Variants in CLVS1 observed in about 807,000 individuals in gnomAD.
CLVS1 encodes the protein clavesin-1.
In CLVS1, 10 loss-of-function variants were observed where a neutral mutation model predicts 33.1. The ratio of observed to expected loss-of-function variants is 0.30; its 90% CI spans 0.19 to 0.51. CLVS1 has a LOEUF of 0.51. CLVS1 is among the 20% of genes least tolerant of loss of function. The pLI, the probability that CLVS1 is intolerant of heterozygous loss-of-function variation, is 0.97. For missense variants in CLVS1, 343 were observed against 433.4 expected, an observed-to-expected ratio of 0.79 and a Z score of 1.85; for synonymous variants, 163 against 166.1, an observed-to-expected ratio of 0.98 and a Z score of 0.14.
At chr8:61,398,387 G>T (rs1814619727) in intron 3 of CLVS1, among the ~76,000 whole-genome samples, 1 of 151,920 alleles carries the variant, frequency 6.6e-6, no homozygotes, top group African/African-American at 2.4e-5. Flanking sequence ...TCACCACATT[G>T]CTCAGGCTGG....
At chr8:61,066,063 A>C (rs1005103014) in intron 1 of CLVS1, among the ~76,000 whole-genome samples, 2 of 152,242 alleles carry the variant, frequency 1.3e-5, no homozygotes, top group Non-Finnish European at 2.9e-5. Flanking sequence ...CATATGTATG[A>C]AGATCAGGAG....
intron 2 of CLVS1, among the ~76,000 whole-genome samples, chr8:61,274,944 G>A (rs1032862542): frequency 3.3e-5 from 5 of 152,048 alleles, no homozygotes; most frequent in African/African-American, 1.2e-4. Context: ...AATAATTTAT[G>A]GGAAGGCTCT....
At chr8:61,340,436 G>A (rs994390295) in intron 2 of CLVS1, among the ~76,000 whole-genome samples, 7 of 152,124 alleles carry the variant, frequency 4.6e-5, no homozygotes, top group Non-Finnish European at 7.4e-5. Flanking sequence ...GAGATCATGC[G>A]GCATTTGTCT....
chr8:61,459,446 G>A (rs1225377984), intron 5 of CLVS1, among the ~76,000 whole-genome samples: 11 of 152,018 alleles, frequency 7.2e-5, no homozygotes, highest in Non-Finnish European at 1.5e-4. Flanking sequence ...TGGTGCACCC[G>A]TCATCCGAGC....
intron 1 of CLVS1, among the ~76,000 whole-genome samples, chr8:61,090,045 C>T (rs1354645356): frequency 6.6e-6 from 1 of 152,214 alleles, no homozygotes; most frequent in Non-Finnish European, 1.5e-5. Context: ...GTTATTTGAG[C>T]AGCCCCCTCC....
chr8:61,395,215 A>G (rs886468732), intron 3 of CLVS1, among the ~76,000 whole-genome samples: 1 of 152,204 alleles, frequency 6.6e-6, no homozygotes, highest in African/African-American at 2.4e-5. Context: ...CAGAAAGACA[A>G]ATATCATATG....
At chr8:60,985,112 G>A in the CLVS1 span, among the ~76,000 whole-genome samples, 28 of 152,272 alleles carry the variant, frequency 1.8e-4, no homozygotes, top group South Asian at 1.0e-3. Flanking sequence ...GAATGTTAAG[G>A]CTATTTTTTC....
At chr8:61,043,680 A>T in the CLVS1 span, among the ~76,000 whole-genome samples, 3 of 152,202 alleles carry the variant, frequency 2.0e-5, no homozygotes, top group Non-Finnish European at 4.4e-5. Flanking sequence ...GTATATGTTG[A>T]TTCTGCTCTC....
At chr8:61,090,724 A>G (rs1395708397) in intron 1 of CLVS1, among the ~76,000 whole-genome samples, 1 of 152,120 alleles carries the variant, frequency 6.6e-6, no homozygotes, top group African/African-American at 2.4e-5. Flanking sequence ...ATATCCCACT[A>G]TTGTGTTTTT....
At chr8:60,981,022 A>G in the CLVS1 span, among the ~76,000 whole-genome samples, 1 of 152,210 alleles carries the variant, frequency 6.6e-6, no homozygotes, top group Non-Finnish European at 1.5e-5. Flanking sequence ...AGCAGCTGGA[A>G]GAGGCTGGGG....
chr8:60,968,920 TAAAAG>T, the CLVS1 span, among the ~76,000 whole-genome samples: 2 of 151,150 alleles, frequency 1.3e-5, no homozygotes, highest in Admixed American at 6.6e-5. Flanking sequence ...TAAAAAAAAA[TAAAAG>T]AAAAAGAAAA....
At chr8:61,021,244 T>A in the CLVS1 span, among the ~76,000 whole-genome samples, 63 of 152,330 alleles carry the variant, frequency 4.1e-4, no homozygotes, top group African/African-American at 1.4e-3. Flanking sequence ...TAACTTCTCT[T>A]TTCATGAGAT....
chr8:61,022,792 A>G, the CLVS1 span, among the ~76,000 whole-genome samples: 13 of 152,376 alleles, frequency 8.5e-5, no homozygotes, highest in East Asian at 2.5e-3. Flanking sequence ...AGAGTGGTAC[A>G]CAGACAGCAT....
intron 2 of CLVS1, among the ~76,000 whole-genome samples, chr8:61,265,061 C>G (rs955085497): frequency 2.6e-5 from 4 of 152,156 alleles, no homozygotes; most frequent in Non-Finnish European, 4.4e-5. Context: ...TGGGGTCCCA[C>G]AGGTCCATAA....
chr8:61,337,895 C>T (rs768825331), intron 2 of CLVS1, among the ~76,000 whole-genome samples: 12 of 152,134 alleles, frequency 7.9e-5, no homozygotes, highest in Non-Finnish European at 1.5e-4. Flanking sequence ...TCTAAAATGA[C>T]AATAAAGAAA....
chr8:61,111,746 GCTTT>G (rs546992555), intron 1 of CLVS1, among the ~76,000 whole-genome samples: 36 of 149,078 alleles, frequency 2.4e-4, no homozygotes, highest in South Asian at 2.1e-4. Flanking sequence ...GGAGAACAAG[GCTTT>G]CTTTATTACC....
chr8:61,452,922 G>A (rs1179562495), intron 3 of CLVS1, among the ~76,000 whole-genome samples: 1 of 151,718 alleles, frequency 6.6e-6, no homozygotes, highest in Non-Finnish European at 1.5e-5. Context: ...GATGCCTGGG[G>A]ATCCTGTAGA....
intron 2 of CLVS1, among the ~76,000 whole-genome samples, chr8:61,168,438 AT>A (rs1806925526): frequency 6.6e-6 from 1 of 152,222 alleles, no homozygotes; most frequent in Non-Finnish European, 1.5e-5. Context: ...AACAAAACTA[AT>A]TTTACAAGTA....
chr8:61,436,808 C>G (rs886371901), intron 3 of CLVS1, among the ~76,000 whole-genome samples: 1 of 152,216 alleles, frequency 6.6e-6, no homozygotes, highest in African/African-American at 2.4e-5. Flanking sequence ...AGCTTCCCTT[C>G]TGCCCTCTTT....
Sources: gnomAD v4.1 joint callset for allele counts (sites outside exome capture counted in the v4.1 genomes callset) on GRCh38, gnomAD v4.1.1 for gene constraint, MANE v1.5 for transcripts, NCBI Gene and HGNC (gene_info 2026-07-23, HGNC 2026-07-21) for gene names.